CADM2: variants seen among roughly 807,000 people sequenced by gnomAD.
CADM2 encodes the protein immunoglobulin superfamily member 4D.
In CADM2, 12 loss-of-function variants were observed where a neutral mutation model predicts 49.8. That is an observed-to-expected ratio of 0.24 (90% CI 0.15 to 0.39). The LOEUF is 0.39. Among genes scored for constraint, CADM2 ranks in the 10% least tolerant of loss-of-function variants. The probability of loss-of-function intolerance (pLI) is 1.00; values close to 1 mark genes in which losing one functional copy is unlikely to be tolerated. For synonymous variants in CADM2, 214 were observed against 175.4 expected (o/e 1.22, Z -1.74); for missense variants, 378 against 492.3 (o/e 0.77, Z 2.20).
At chr3:85,874,270 C>G (rs1711519947) in intron 3 of CADM2, among the ~76,000 whole-genome samples, 1 of 152,088 alleles carries the variant, frequency 6.6e-6, no homozygotes, top group Admixed American at 6.5e-5. Flanking sequence ...ACAATGTAGT[C>G]TGGAGTCATT....
intron 8 of CADM2, among the ~76,000 whole-genome samples, chr3:86,004,923 A>G (rs1730600662): frequency 6.6e-6 from 1 of 152,126 alleles, no homozygotes; most frequent in South Asian, 2.1e-4. Context: ...CTCTTGATCT[A>G]CAGAAGGCCT....
intron 1 of CADM2, among the ~76,000 whole-genome samples, chr3:85,238,025 T>G (rs1220836733): frequency 6.6e-6 from 1 of 151,968 alleles, no homozygotes; most frequent in Non-Finnish European, 1.5e-5. Flanking sequence ...TAACACTTAC[T>G]TGGTAGTATG....
intron 1 of CADM2, among the ~76,000 whole-genome samples, chr3:85,067,020 A>G (rs1456319965): frequency 2.0e-5 from 3 of 152,064 alleles, no homozygotes; most frequent in Non-Finnish European, 4.4e-5. Context: ...ATTTAGGATA[A>G]TATATTAATC....
chr3:86,042,258 A>G (rs1736040941), intron 8 of CADM2, among the ~76,000 whole-genome samples: 2 of 152,166 alleles, frequency 1.3e-5, no homozygotes, highest in South Asian at 4.1e-4. Context: ...TAGAGACACA[A>G]AAAACCCTTC....
intron 1 of CADM2, among the ~76,000 whole-genome samples, chr3:85,282,656 T>C (rs2043532963): frequency 6.6e-6 from 1 of 152,056 alleles, no homozygotes; most frequent in African/African-American, 2.4e-5. Flanking sequence ...TTTAGTCCTT[T>C]CACATATTGC....
intron 8 of CADM2, among the ~76,000 whole-genome samples, chr3:86,015,499 A>G (rs886353680): frequency 6.6e-6 from 1 of 152,208 alleles, no homozygotes; most frequent in African/African-American, 2.4e-5. Context: ...TACATTTTAT[A>G]AAATGTTATA....
chr3:85,076,307 G>GTGTGTGTGTGT (rs2036940078), intron 1 of CADM2, among the ~76,000 whole-genome samples: 1 of 145,466 alleles, frequency 6.9e-6, no homozygotes, highest in African/African-American at 2.5e-5. Flanking sequence ...AAGAAATTGT[G>GTGTGTGTGTGT]TGTGTGTGTG....
At chr3:85,839,359 C>T (rs1008207394) in intron 3 of CADM2, among the ~76,000 whole-genome samples, 1 of 151,646 alleles carries the variant, frequency 6.6e-6, no homozygotes, top group African/African-American at 2.4e-5. Flanking sequence ...ATCCCCTTGT[C>T]CATTTTGTAA....
At chr3:85,399,993 G>A (rs2035014716) in intron 1 of CADM2, among the ~76,000 whole-genome samples, 1 of 151,956 alleles carries the variant, frequency 6.6e-6, no homozygotes, top group Non-Finnish European at 1.5e-5. Context: ...ATGTTGAATA[G>A]GAGTGGTGAG....
At chr3:85,016,652 G>T (rs546211563) in intron 1 of CADM2, among the ~76,000 whole-genome samples, 4 of 152,036 alleles carry the variant, frequency 2.6e-5, no homozygotes, top group Admixed American at 6.6e-5. Context: ...AATTAGCCGG[G>T]CATGAAGGTG....
chr3:85,524,857 C>A (rs951688080), intron 1 of CADM2, among the ~76,000 whole-genome samples: 4 of 152,240 alleles, frequency 2.6e-5, no homozygotes, highest in Admixed American at 6.5e-5. Context: ...GTTTTTATGT[C>A]CTCCTGATGA....
At chr3:85,951,751 A>G (rs1723451428) in intron 7 of CADM2, among the ~76,000 whole-genome samples, 1 of 151,068 alleles carries the variant, frequency 6.6e-6, no homozygotes, top group African/African-American at 2.4e-5. Context: ...GATGACTTCA[A>G]GGACAGTATT....
chr3:85,438,888 A>T (rs2037055393), intron 1 of CADM2, among the ~76,000 whole-genome samples: 1 of 152,154 alleles, frequency 6.6e-6, no homozygotes, highest in Admixed American at 6.5e-5. Flanking sequence ...GGCTCTCACT[A>T]TGTTACCTAG....
rs199745318 is a variant in CADM2 at position 85,886,186 on chromosome 3, T to G, written c.392-4T>G. 6.2e-7 allele frequency: 1 copy of G among 1,612,840 alleles called. No homozygotes were observed. On this transcript the variant is annotated splice_region_variant and splice_polypyrimidine_tract_variant and intron_variant, in intron 4 of 9. Transcript: ENST00000383699. ...GCTCACTTCATCATTCGCTTAAATT[T>G]CAGGTGTTCCTGAAAAGCCTCAGAT...
rs577869841 is a variant in CADM2 at position 85,605,154 on chromosome 3, T to C, written c.62-121368T>C. Among the ~76,000 whole-genome samples the C allele has an allele frequency of 6.8e-4, 103 of 152,086 alleles. 1 individual carries two copies. In the South Asian group the frequency reaches 0.016, roughly 24 times the overall value. ...AAAGTGCTTCTAAAAATACCAGTAA[T>C]ATGTGTATAGAACGCAAGGGTGAAA... On this transcript the variant is annotated intron_variant, in intron 1 of 9. Coordinates refer to ENST00000383699, the MANE Select transcript of CADM2 (RefSeq NM_001167675.2).
chr3:85,557,436 T>G (rs2107156627), intron 1 of CADM2, among the ~76,000 whole-genome samples: 1 of 151,898 alleles, frequency 6.6e-6, no homozygotes, highest in Admixed American at 6.6e-5. Flanking sequence ...TGGGGTTTTT[T>G]CCTGTTGATT....
chr3:85,625,620 A>G (rs1011754603), intron 1 of CADM2, among the ~76,000 whole-genome samples: 17 of 152,174 alleles, frequency 1.1e-4, no homozygotes, highest in Non-Finnish European at 2.1e-4. Context: ...ATATATTACT[A>G]TACATAATAT....
At chr3:85,894,634 C>G (rs951445059) in intron 5 of CADM2, among the ~76,000 whole-genome samples, 4 of 152,172 alleles carry the variant, frequency 2.6e-5, no homozygotes, top group Admixed American at 6.5e-5. Flanking sequence ...GGCAACCCCT[C>G]TCATTACAGG....
intron 1 of CADM2, among the ~76,000 whole-genome samples, chr3:85,574,989 G>A (rs1158276163): frequency 6.6e-6 from 1 of 152,090 alleles, no homozygotes; most frequent in African/African-American, 2.4e-5. Context: ...CTATAGGAGA[G>A]TGAGTCACCT....
Sources: allele counts gnomAD v4.1 joint callset (sites outside exome capture counted in the v4.1 genomes callset), GRCh38; gene constraint gnomAD v4.1.1; transcripts MANE v1.5; gene names NCBI Gene and HGNC (gene_info 2026-07-23, HGNC 2026-07-21).